FHIP2B: variants seen among roughly 807,000 people sequenced by gnomAD.
FHIP2B encodes FHF complex subunit HOOK-interacting protein 2B.
In FHIP2B, 72 loss-of-function variants were observed where a neutral mutation model predicts 84.0. The ratio of observed to expected loss-of-function variants is 0.86; its 90% confidence interval spans 0.71 to 1.04. The LOEUF (loss-of-function observed/expected upper bound fraction) is 1.04. Ranked by LOEUF, FHIP2B falls within the 50% of genes least tolerant of loss-of-function variation. FHIP2B has a pLI of 0.00. For synonymous variants in FHIP2B, 497 were observed against 418.7 expected, an observed-to-expected ratio of 1.19 and a Z score of -2.28; for missense variants, 972 against 968.9, an observed-to-expected ratio of 1.00 and a Z score of -0.04.
chr8:22,089,204 G>T lies in FHIP2B; in HGVS notation c.-50G>T. On this transcript the variant is annotated 5_prime_UTR_variant, in exon 1 of 17. Coordinates refer to ENST00000289921, the MANE Select transcript of FHIP2B (RefSeq NM_022749.7). ...GCCACGGGGCTGCCTCCTCCGCCTAGAGCGCTGCCGCCGCCGCTTTCGCCC... is the reference window on the plus strand; with the variant it reads ...GCCACGGGGCTGCCTCCTCCGCCTATAGCGCTGCCGCCGCCGCTTTCGCCC... 1.9e-6 allele frequency: 2 copies of T among 1,050,598 alleles called. No homozygotes were observed. Among genetic ancestry groups the T allele is most frequent in the Non-Finnish European group, 2.3e-6 (2 of 871,832 alleles). The allele number at this position is 1,050,598 out of a possible 1,614,324, so 65.1% of individuals were successfully genotyped here.
At chr8:22,091,202 C>A (rs117088424) in intron 1 of FHIP2B, among the ~76,000 whole-genome samples, 1 of 151,018 alleles carries the variant, frequency 6.6e-6, no homozygotes, top group Non-Finnish European at 1.5e-5. Context: ...TGCTCCTTCC[C>A]GCCCTCTTCT....
intron 3 of FHIP2B, 169 bp downstream of exon 3, chr8:22,096,678 T>G: frequency 1.1e-6 from 1 of 932,616 alleles, no homozygotes; most frequent in Non-Finnish European, 1.5e-6. Flanking sequence ...TGGGGCTCCC[T>G]GGATTCCAGG....
chr8:22,100,401 C>T lies in FHIP2B; in HGVS notation c.1342-193C>T, dbSNP rs1267633930. The T allele has an allele frequency of 3.5e-5, 18 of 509,018 alleles. No homozygotes were observed. The East Asian group carries it at 5.5e-4, about 15-fold the overall frequency. The allele number at this position is 509,018 out of a possible 1,614,324, so 31.5% of individuals were successfully genotyped here. A position where few individuals can be genotyped will look rare whatever the true frequency, so the allele number is the denominator to read the frequency against. On this transcript the variant is annotated intron_variant, in intron 10 of 16. Transcript: ENST00000289921. ...AATTGCACATCAAATTAGTCACATA[C>T]CAGGGACCACCCAGACTTCTGGATT...
In FHIP2B at chr8:22,098,049, C is replaced by T. The variant is rs778421444; in HGVS notation, c.526-19C>T. On this transcript the variant is annotated intron_variant, in intron 5 of 16. Coordinates refer to ENST00000289921, the MANE Select transcript of FHIP2B (RefSeq NM_022749.7). ...AAGTGGTCCCCACCAGGTCTGGCCTCATCTCACCCTCTTTTCAGGGTAAAA... is the reference window on the plus strand; with the variant it reads ...AAGTGGTCCCCACCAGGTCTGGCCTTATCTCACCCTCTTTTCAGGGTAAAA... The T allele has an allele frequency of 2.5e-6, 4 of 1,582,258 alleles. No individual in the cohort carries two copies. The highest frequency in any genetic ancestry group is 4.6e-5 in the East Asian group (2 of 43,612).
In FHIP2B at chr8:22,089,302, A is replaced by C. The variant is rs1310261454; in HGVS notation, c.45+4A>C. Reference sequence around the variant, plus strand: ...GCTGCAGGAAGCCGTGGGGGCGGTGAGGCCGGCAGGGCCGGGCCGGGCCGC... The same window carrying C: ...GCTGCAGGAAGCCGTGGGGGCGGTGCGGCCGGCAGGGCCGGGCCGGGCCGC... On this transcript the variant is annotated splice_donor_region_variant and intron_variant, in intron 1 of 16. Coordinates refer to ENST00000289921, the MANE Select transcript of FHIP2B (RefSeq NM_022749.7). 2.0e-6 allele frequency: 2 copies of C among 1,025,294 alleles called. No individual in the cohort carries two copies. The highest frequency in any genetic ancestry group is 3.5e-5 in the African/African-American group (2 of 57,546). 63.5% of individuals were successfully genotyped at this position (1,025,294 alleles called of 1,614,324 possible).
chr8:22,102,563 AC>A lies in FHIP2B; in HGVS notation c.2032del (p.Gln678SerfsTer13). ...GDLMQRIQRV[P>X]QFPGKLLLVR... ...ACTTGATGCAGAGAATCCAGAGGGT[AC>A]CCCAGTTCCCAGGCAAGCTGCTCCT... On this transcript the variant is annotated frameshift_variant, in exon 16 of 17. Coordinates refer to ENST00000289921, the MANE Select transcript of FHIP2B (RefSeq NM_022749.7). LOFTEE classifies it high-confidence loss of function. 1.3e-6 allele frequency: 2 copies of A among 1,562,368 alleles called. No homozygotes were observed. The highest frequency in any genetic ancestry group is 2.4e-5 in the South Asian group (2 of 84,784).
chr8:22,104,248 C>G lies in FHIP2B; in HGVS notation c.*1317C>G, dbSNP rs557934004. 1.3e-4 allele frequency: 20 copies of G among 151,982 alleles called. No individual in the cohort carries two copies. The highest frequency in any genetic ancestry group is 4.9e-4 in the African/African-American group (20 of 41,066). The allele number at this position is 151,982 out of a possible 1,614,324, so 9.4% of individuals were successfully genotyped here. A position where few individuals can be genotyped will look rare whatever the true frequency, so the allele number is the denominator to read the frequency against. On this transcript the variant is annotated 3_prime_UTR_variant, in exon 17 of 17. Coordinates refer to ENST00000289921, the MANE Select transcript of FHIP2B (RefSeq NM_022749.7). ...GGCGCAGATCTCCGTGGATGAACTG[C>G]GTCTGGACTCTTAGATTCATAAAAT... is the stretch of plus-strand genomic sequence containing the variant.
rs765139977 is a variant in FHIP2B at position 22,100,172 on chromosome 8, G to A, written c.1341+279G>A. On this transcript the variant is annotated intron_variant, in intron 10 of 16. Transcript: ENST00000289921. The stretch of plus-strand genomic sequence containing the variant: ...CAGTCTCCAACTCCTGGCCTCAAGC[G>A]ATCCTCTCACCTCAGCCTCCTAAAG... The A allele has an allele frequency of 1.4e-5, 6 of 436,392 alleles. No homozygotes were observed. In the South Asian group the frequency reaches 1.8e-4, roughly 13 times the overall value. 27.0% of individuals were successfully genotyped at this position (436,392 alleles called of 1,614,324 possible). A position where few individuals can be genotyped will look rare whatever the true frequency, so the allele number is the denominator to read the frequency against.
intron 9 of FHIP2B, 97 bp from the exon 10 acceptor site, chr8:22,099,607 C>T (rs1825987688): frequency 7.2e-7 from 1 of 1,382,166 alleles, no homozygotes; most frequent in Non-Finnish European, 9.7e-7. Context: ...ACAGACATAC[C>T]AGCCAAACAT....
chr8:22,102,375 G>C, intron 15 of FHIP2B, 60 bp downstream of exon 15: 1 of 1,593,918 alleles, frequency 6.3e-7, no homozygotes, highest in Admixed American at 1.7e-5. Context: ...ATCAGGGAAA[G>C]GGAACGGGGC....
intron 7 of FHIP2B, 116 bp downstream of exon 7, chr8:22,098,735 C>A: frequency 8.6e-7 from 1 of 1,163,550 alleles, no homozygotes; most frequent in Non-Finnish European, 1.2e-6. Flanking sequence ...GCTGGCCACC[C>A]TCTCCCCAAG....
At chr8:22,095,538 G>C (rs1322008543) in intron 2 of FHIP2B, 2 of 152,268 alleles carry the variant, frequency 1.3e-5, no homozygotes, top group Non-Finnish European at 2.9e-5. Flanking sequence ...GAGAGCCTCA[G>C]TCCACCAGCT....
rs1826237255 is a variant in FHIP2B, at chr8:22,103,493, A to T, written c.*562A>T. ...CCCTCTTCCTGCTCTGCTCCCCTGG[A>T]AACTGTTGCAAAACTCCCAGCCGCC... On this transcript the variant is annotated 3_prime_UTR_variant, in exon 17 of 17. Transcript: ENST00000289921. 1 of 152,512 alleles carries T rather than the reference A, an allele frequency of 6.6e-6. No individual in the cohort carries two copies. Among genetic ancestry groups the T allele is most frequent in the Admixed American group, 6.5e-5 (1 of 15,296 alleles). 9.4% of individuals were successfully genotyped at this position (152,512 alleles called of 1,614,324 possible). A position where few individuals can be genotyped will look rare whatever the true frequency, so the allele number is the denominator to read the frequency against.
intron 14 of FHIP2B, 55 bp from the exon 15 acceptor site, chr8:22,102,120 C>T: frequency 6.2e-7 from 1 of 1,611,972 alleles, no homozygotes; most frequent in South Asian, 1.1e-5. Context: ...TGGGGGAGTG[C>T]AAAAATACTC....
At chr8:22,090,153 T>TCGGG (rs1554573640) in intron 1 of FHIP2B, among the ~76,000 whole-genome samples, 1 of 97,796 alleles carries the variant, frequency 1.0e-5, no homozygotes, top group African/African-American at 3.9e-5. Context: ...CCCGGTAGGG[T>TCGGG]GGGGGGGGTG....
Position 22,100,931 on chromosome 8 carries a change from C to G in FHIP2B, c.1575C>G (p.Thr525=). 1 of 1,613,926 alleles carries G rather than the reference C, an allele frequency of 6.2e-7. No individual in the cohort carries two copies. The highest frequency in any genetic ancestry group is 1.1e-5 in the South Asian group (1 of 91,088). The stretch of plus-strand genomic sequence containing the variant: ...CAAAGCCTCGCCTAGCTCCTGCTAC[C>G]AGTTACGATGGCAAAACAGCAGTGA... ...TPAKPRLAPA[T]SYDGKTAVTE... The change falls in exon 12 of 17, where the codon ACC becomes ACG. Residue 525 remains threonine, a synonymous_variant. Transcript: ENST00000289921.
chr8:22,094,161 C>T (rs1258853005), intron 1 of FHIP2B, among the ~76,000 whole-genome samples: 1 of 152,154 alleles, frequency 6.6e-6, no homozygotes, highest in Non-Finnish European at 1.5e-5. Flanking sequence ...TTAGCACCTC[C>T]AGGACAGAGA....
intron 2 of FHIP2B, chr8:22,095,750 A>C (rs1825732592): frequency 6.6e-6 from 1 of 152,236 alleles, no homozygotes; most frequent in African/African-American, 2.4e-5. Context: ...TAAAACACAC[A>C]CTGAGACTCT....
rs145516741 is a variant in FHIP2B, at chr8:22,098,585, G to A, written c.931G>A (p.Ala311Thr). Residue 311 changes from alanine to threonine, a missense_variant, in exon 7 of 17, where the codon GCA becomes ACA. Ala to Thr is a moderately conservative substitution (Grantham distance 58). Coordinates refer to ENST00000289921, the MANE Select transcript of FHIP2B (RefSeq NM_022749.7). ...GTCCATGCCTGTCTTCCTGGACCCCGCAGACATTGCCACCTTAGAGGGCAT... is the reference window on the plus strand; with the variant it reads ...GTCCATGCCTGTCTTCCTGGACCCCACAGACATTGCCACCTTAGAGGGCAT... Reference protein sequence around the residue: ...YRSMPVFLDPADIATLEGISW... With the variant: ...YRSMPVFLDPTDIATLEGISW... The A allele has an allele frequency of 0.01, 16,142 of 1,601,616 alleles. 88 individuals carry two copies. The highest frequency in any genetic ancestry group is 0.012 in the Non-Finnish European group (14,092 of 1,174,278).
Sources: allele counts gnomAD v4.1 joint callset (sites outside exome capture counted in the v4.1 genomes callset), GRCh38; gene constraint gnomAD v4.1.1; transcripts MANE v1.5; gene names NCBI Gene and HGNC (gene_info 2026-07-23, HGNC 2026-07-21).